The following TICRR variants were observed in gnomAD, a reference collection of about 807,000 sequenced individuals.
The protein encoded by TICRR is treslin.
Under a neutral mutation model 178.1 loss-of-function variants are expected in TICRR, and 132 were observed. That is an observed-to-expected ratio of 0.74 (90% CI 0.64 to 0.86). The LOEUF (loss-of-function observed/expected upper bound fraction) is 0.86. Among genes scored for constraint, TICRR ranks in the 40% least tolerant of loss-of-function variants. The pLI, the probability that TICRR is intolerant of heterozygous loss-of-function variation, is 0.00. For synonymous variants in TICRR, 991 were observed against 900.7 expected (o/e 1.10, Z -1.79); for missense variants, 2,587 against 2,334.3 (o/e 1.11, Z -2.23).
intron 19 of TICRR, among the ~76,000 whole-genome samples, chr15:89,622,276 G>A (rs2141982484): frequency 6.6e-6 from 1 of 152,168 alleles, no homozygotes; most frequent in South Asian, 2.1e-4. Flanking sequence ...ATGAGCCACT[G>A]CGCCCGGCCT....
At chr15:89,614,275 G>A (rs1016556115) in intron 15 of TICRR, among the ~76,000 whole-genome samples, 3 of 150,932 alleles carry the variant, frequency 2.0e-5, no homozygotes, top group Admixed American at 2.0e-4. Context: ...ATACTTTTTT[G>A]TTTTGTTTCT....
chr15:89,609,510 T>A (rs1963225955), intron 15 of TICRR, among the ~76,000 whole-genome samples: 1 of 152,150 alleles, frequency 6.6e-6, no homozygotes, highest in South Asian at 2.1e-4. Flanking sequence ...TCACTCACTC[T>A]GTCTCCTGGG....
intron 17 of TICRR, among the ~76,000 whole-genome samples, chr15:89,618,943 G>A (rs955940300): frequency 1.3e-5 from 2 of 152,188 alleles, no homozygotes; most frequent in African/African-American, 4.8e-5. Context: ...TAGCGACAGA[G>A]CAAGACCATG....
chr15:89,579,083 A>T (rs1962677021), intron 1 of TICRR, among the ~76,000 whole-genome samples: 1 of 152,214 alleles, frequency 6.6e-6, no homozygotes, highest in South Asian at 2.1e-4. Flanking sequence ...TTGCAAAGAT[A>T]TAGGACAGAA....
rs747175728 is a variant in TICRR, at chr15:89,625,046, A to G, written c.4736A>G (p.Asp1579Gly). 1.9e-6 allele frequency: 3 copies of G among 1,613,844 alleles called. No homozygotes were observed. Among genetic ancestry groups the G allele is most frequent in the Non-Finnish European group, 2.5e-6 (3 of 1,180,012 alleles). ...GLPKLRIKKIDPSSSLEAEPL... is the reference protein window; with the variant it reads ...GLPKLRIKKIGPSSSLEAEPL... ...CCCAAACTTCGAATTAAGAAGATAGACCCCAGCTCTTCATTAGAGGCTGAG... is the reference window on the plus strand; with the variant it reads ...CCCAAACTTCGAATTAAGAAGATAGGCCCCAGCTCTTCATTAGAGGCTGAG... The change falls in exon 20 of 22, where the codon GAC becomes GGC. Residue 1579 changes from aspartate to glycine, a missense_variant. By Grantham distance (94) the Asp-to-Gly change is moderately conservative. Coordinates refer to ENST00000268138, the MANE Select transcript of TICRR (RefSeq NM_152259.4).
chr15:89,609,029 G>T, intron 15 of TICRR, 80 bp downstream of exon 15: 1 of 1,205,626 alleles, frequency 8.3e-7, no homozygotes. Context: ...TTTCTTTCCT[G>T]ATTTAGTAAT....
intron 9 of TICRR, 41 bp downstream of exon 9, chr15:89,600,726 G>A (rs779732460): frequency 1.0e-6 from 1 of 974,256 alleles, no homozygotes; most frequent in South Asian, 1.5e-5. Flanking sequence ...CACTCTAAAA[G>A]CTGTGAGATT....
At position 89,585,689 on chromosome 15, in the gene TICRR, A is replaced by AT; in HGVS notation, c.1177-17dup. On this transcript the variant is annotated intron_variant, in intron 3 of 21. Transcript: ENST00000268138. ...ATATTGACAATAATATTCTCAACTA[A>AT]TTAGGGCTTCTCACGTAGGTTGCTG... The AT allele has an allele frequency of 1.9e-6, 3 of 1,568,520 alleles. No homozygotes were observed. The South Asian group carries it at 3.3e-5, about 17-fold the overall frequency.
In TICRR at chr15:89,585,779, T is replaced by C; in HGVS notation, c.1248T>C (p.Ala416=). Residue 416 remains alanine, a synonymous_variant, in exon 4 of 22, where the codon GCT becomes GCC. Coordinates refer to ENST00000268138, the MANE Select transcript of TICRR (RefSeq NM_152259.4). The stretch of plus-strand genomic sequence containing the variant: ...TTATTTCCCCACTCTCTGCCAGTGC[T>C]ATGATCCTCACTGTGTGCCGCACCA... ...TGVISPLSAS[A]MILTVCRTKE... 2 of 1,614,222 alleles carry C rather than the reference T, an allele frequency of 1.2e-6. No individual in the cohort carries two copies. Among genetic ancestry groups the C allele is most frequent in the South Asian group, 1.1e-5 (1 of 91,088 alleles).
intron 1 of TICRR, 94 bp downstream of exon 1, chr15:89,576,334 A>ATCC: frequency 1.7e-6 from 2 of 1,168,040 alleles, no homozygotes; most frequent in East Asian, 2.6e-5. Context: ...ACAGACCCCG[A>ATCC]ATGAGACTAA....
At chr15:89,598,259 C>A (rs1426396604) in intron 7 of TICRR, among the ~76,000 whole-genome samples, 1 of 152,124 alleles carries the variant, frequency 6.6e-6, no homozygotes. Flanking sequence ...AGGCGTGAGC[C>A]ACCACACCCG....
Position 89,601,311 on chromosome 15 carries a change from G to A in TICRR, c.2167G>A (p.Val723Ile), listed in dbSNP as rs775652156. The A allele has an allele frequency of 6.8e-6, 11 of 1,613,936 alleles. No homozygotes were observed. The Admixed American group carries it at 1.5e-4, about 22-fold the overall frequency. ...TTTTCTCTCAAGGTGCCAGCTTCAG[G>A]TATTTCTTCGTTTGGAGATGTGTCT... ...EDKVRECQLQ[V>I]FLRLEMCLQC... The change falls in exon 10 of 22, where the codon GTA becomes ATA. Residue 723 changes from valine (V) to isoleucine (I), a missense_variant. Coordinates refer to ENST00000268138, the MANE Select transcript of TICRR (RefSeq NM_152259.4).
chr15:89,627,143 AAAG>A lies in TICRR; in HGVS notation c.*61_*63del, dbSNP rs766107513. ...GAGTCAGCCAGGACCCTGTGGACAT[AAAG>A]AAGTTGGATGCCTGGTCCCAAGCCT... is the stretch of plus-strand genomic sequence containing the variant. On this transcript the variant is annotated 3_prime_UTR_variant, in exon 22 of 22. Transcript: ENST00000268138. 280 of 1,603,296 alleles carry A rather than the reference AAAG, an allele frequency of 1.7e-4. No individual in the cohort carries two copies. Among genetic ancestry groups the A allele is most frequent in the Non-Finnish European group, 2.1e-4 (242 of 1,174,806 alleles).
At chr15:89,580,648 CT>C (rs1409768586) in intron 1 of TICRR, among the ~76,000 whole-genome samples, 1 of 151,992 alleles carries the variant, frequency 6.6e-6, no homozygotes, top group African/African-American at 2.4e-5. Flanking sequence ...TACATGGGAT[CT>C]TTTTTTTGTT....
At chr15:89,594,789 T>C (rs1962969063) in intron 6 of TICRR, among the ~76,000 whole-genome samples, 1 of 152,244 alleles carries the variant, frequency 6.6e-6, no homozygotes, top group Admixed American at 6.5e-5. Context: ...GAAATTCAAA[T>C]ACAACTTTGT....
rs1596047308 is a variant in TICRR, at chr15:89,599,483, G to A, written c.2052+8G>A. 5 of 1,607,800 alleles carry A rather than the reference G, an allele frequency of 3.1e-6. No homozygotes were observed. Among genetic ancestry groups the A allele is most frequent in the Non-Finnish European group, 3.4e-6 (4 of 1,178,096 alleles). On this transcript the variant is annotated splice_region_variant and intron_variant, in intron 8 of 21. Transcript: ENST00000268138. ...GGCACCAAGGAATTAGAAGTAAGAG[G>A]GTCCAGATATTGTTGTTTGTCATGG...
chr15:89,624,159 A>C lies in TICRR; in HGVS notation c.3849A>C (p.Lys1283Asn). The C allele has an allele frequency of 6.2e-7, 1 of 1,614,082 alleles. No individual in the cohort carries two copies. The highest frequency in any genetic ancestry group is 8.5e-7 in the Non-Finnish European group (1 of 1,180,018). ...RAARAEEPAQ[K>N]LKDKAIKTPK... is the part of the protein sequence containing the mutation. ...CTCGGGCAGAGGAACCAGCCCAGAA[A>C]CTAAAGGATAAAGCTATCAAAACTC... is the stretch of plus-strand genomic sequence containing the variant. The change falls in exon 20 of 22, where the codon AAA (lysine) becomes AAC (asparagine). Residue 1283 changes from lysine (K) to asparagine (N), a missense_variant. By Grantham distance (94) the Lys-to-Asn change is moderately conservative. Transcript: ENST00000268138.
intron 10 of TICRR, 41 bp downstream of exon 10, chr15:89,601,432 G>A (rs764983533): frequency 1.2e-6 from 2 of 1,612,460 alleles, no homozygotes; most frequent in East Asian, 4.5e-5. Flanking sequence ...CGCCCTAGAT[G>A]CTTTCAGCTT....
chr15:89,589,775 GA>G (rs1434095935), intron 4 of TICRR, among the ~76,000 whole-genome samples: 1 of 152,022 alleles, frequency 6.6e-6, no homozygotes, highest in African/African-American at 2.4e-5. Flanking sequence ...ATAGCTTTGG[GA>G]AAACTACAGT....
Sources: allele counts gnomAD v4.1 joint callset (sites outside exome capture counted in the v4.1 genomes callset), GRCh38; gene constraint gnomAD v4.1.1; transcripts MANE v1.5; gene names NCBI Gene and HGNC (gene_info 2026-07-23, HGNC 2026-07-21).